Variants in C12orf42 observed in about 807,000 individuals in gnomAD.
The protein encoded by C12orf42 is uncharacterized protein C12orf42.
C12orf42 carries 25 observed loss-of-function variants against 21.6 expected under a neutral mutation model. The observed-to-expected ratio is 1.16, with a 90% CI of 0.84 to 1.62. The LOEUF (loss-of-function observed/expected upper bound fraction) is 1.62. Among genes scored for constraint, C12orf42 ranks in the 40% most tolerant of loss-of-function variants. The pLI, the probability that C12orf42 is intolerant of heterozygous loss-of-function variation, is 0.00. For missense variants in C12orf42, 483 were observed against 459.3 expected (o/e 1.05, Z -0.47); for synonymous variants, 174 against 175.0 (o/e 0.99, Z 0.05).
intron 4 of C12orf42, among the ~76,000 whole-genome samples, chr12:103,330,273 A>G (rs907264978): frequency 6.6e-6 from 1 of 152,220 alleles, no homozygotes; most frequent in African/African-American, 2.4e-5. Context: ...TGTACAAAGG[A>G]TGTGGCTCTT....
intron 4 of C12orf42, among the ~76,000 whole-genome samples, chr12:103,317,686 G>T (rs1183582743): frequency 1.3e-5 from 2 of 149,752 alleles, no homozygotes; most frequent in Non-Finnish European, 3.0e-5. Flanking sequence ...AAGCCTATGA[G>T]ATTCTGAGTA....
chr12:103,279,434 T>C (rs756745032), intron 4 of C12orf42, among the ~76,000 whole-genome samples: 23 of 152,242 alleles, frequency 1.5e-4, no homozygotes, highest in Non-Finnish European at 3.1e-4. Flanking sequence ...TACTTATTGA[T>C]GTATATATTT....
chr12:103,541,280 C>T, the C12orf42 span, among the ~76,000 whole-genome samples: 4 of 152,154 alleles, frequency 2.6e-5, no homozygotes, highest in African/African-American at 9.7e-5. Context: ...TTAAAGATTT[C>T]CATATAAATT....
intron 5 of C12orf42, among the ~76,000 whole-genome samples, chr12:103,276,360 G>T (rs933235350): frequency 1.3e-5 from 2 of 152,132 alleles, no homozygotes; most frequent in Non-Finnish European, 2.9e-5. Flanking sequence ...AGTGTTTGCA[G>T]AAGATTCTAA....
At chr12:103,541,601 GTTTA>G in the C12orf42 span, among the ~76,000 whole-genome samples, 39 of 151,976 alleles carry the variant, frequency 2.6e-4, no homozygotes, top group South Asian at 1.2e-3. Flanking sequence ...ACTTTTCCTG[GTTTA>G]TTTATTTGCT....
chr12:103,206,523 C>T, the C12orf42 span, among the ~76,000 whole-genome samples: 81 of 133,358 alleles, frequency 6.1e-4, no homozygotes, highest in Middle Eastern at 3.7e-3. Flanking sequence ...TTCTATATTA[C>T]ACACACACAC....
chr12:103,168,946 T>A, the C12orf42 span, among the ~76,000 whole-genome samples: 1 of 151,788 alleles, frequency 6.6e-6, no homozygotes, highest in African/African-American at 2.4e-5. Context: ...CACTCATAAG[T>A]GGGAGTTGAA....
At chr12:103,455,624 G>T (rs1025827718) in intron 2 of C12orf42, among the ~76,000 whole-genome samples, 7 of 152,082 alleles carry the variant, frequency 4.6e-5, no homozygotes, top group Admixed American at 3.3e-4. Flanking sequence ...GGGGTGTGAG[G>T]TTCCTCTTCT....
At chr12:103,224,446 GT>G in the C12orf42 span, among the ~76,000 whole-genome samples, 15 of 152,130 alleles carry the variant, frequency 9.9e-5, no homozygotes, top group African/African-American at 3.4e-4. Context: ...TAAATTAAGC[GT>G]GATCAGGGTG....
the C12orf42 span, chr12:103,178,603 G>C: frequency 6.6e-6 from 1 of 152,188 alleles, no homozygotes; most frequent in Non-Finnish European, 1.5e-5. Flanking sequence ...TGTCCATTCA[G>C]CCAGAGAGGC....
the C12orf42 span, among the ~76,000 whole-genome samples, chr12:103,077,093 T>C: frequency 6.6e-6 from 1 of 152,222 alleles, no homozygotes; most frequent in South Asian, 2.1e-4. Context: ...CCATTTTCTC[T>C]ATGTTCAATT....
At chr12:103,058,285 A>T in the C12orf42 span, among the ~76,000 whole-genome samples, 1 of 152,124 alleles carries the variant, frequency 6.6e-6, no homozygotes, top group Non-Finnish European at 1.5e-5. Context: ...TGTTGGCTGC[A>T]TAAATGTCTT....
the C12orf42 span, among the ~76,000 whole-genome samples, chr12:103,155,579 A>T: frequency 1.3e-5 from 2 of 151,748 alleles, no homozygotes; most frequent in Admixed American, 1.3e-4. Context: ...TGGGATGCTC[A>T]TGGCTAATTC....
At chr12:103,213,668 G>A in the C12orf42 span, among the ~76,000 whole-genome samples, 51,050 of 151,934 alleles carry the variant, frequency 0.34, 9,387 homozygotes, top group South Asian at 0.42. Flanking sequence ...TTCAACACAC[G>A]GGTGCAAAAA....
At chr12:103,202,016 T>G in the C12orf42 span, among the ~76,000 whole-genome samples, 1 of 152,292 alleles carries the variant, frequency 6.6e-6, no homozygotes, top group South Asian at 2.1e-4. Context: ...AACGGCAAAC[T>G]TCAACAATGC....
the C12orf42 span, among the ~76,000 whole-genome samples, chr12:103,167,658 GA>G: frequency 2.6e-5 from 4 of 152,262 alleles, no homozygotes; most frequent in Non-Finnish European, 5.9e-5. Flanking sequence ...TCCATCCAAT[GA>G]AAGGGATTTT....
intron 4 of C12orf42, among the ~76,000 whole-genome samples, chr12:103,336,634 C>T (rs2064530460): frequency 6.6e-6 from 1 of 152,122 alleles, no homozygotes; most frequent in African/African-American, 2.4e-5. Flanking sequence ...ATATGTAATC[C>T]TGGGGACCAT....
At chr12:103,364,788 A>G (rs1017498429) in intron 4 of C12orf42, among the ~76,000 whole-genome samples, 2 of 152,054 alleles carry the variant, frequency 1.3e-5, no homozygotes, top group African/African-American at 4.8e-5. Context: ...ATCAGGAAGA[A>G]TTAGAAACCC....
chr12:103,214,085 T>C, the C12orf42 span, among the ~76,000 whole-genome samples: 3 of 152,246 alleles, frequency 2.0e-5, no homozygotes, highest in African/African-American at 7.2e-5. Flanking sequence ...GCACTTTGTA[T>C]GTAATACCCC....
Sources: allele counts gnomAD v4.1 joint callset (sites outside exome capture counted in the v4.1 genomes callset), GRCh38; gene constraint gnomAD v4.1.1; transcripts MANE v1.5; gene names NCBI Gene and HGNC (gene_info 2026-07-23, HGNC 2026-07-21).